ERC1: variants seen among roughly 807,000 people sequenced by gnomAD.
ERC1 encodes RAB6 interacting protein 2.
Under a neutral mutation model 132.0 loss-of-function variants are expected in ERC1, and 56 were observed. That is an observed-to-expected ratio of 0.42 (90% CI 0.34 to 0.53). The LOEUF (loss-of-function observed/expected upper bound fraction) is 0.53. Ranked by LOEUF, ERC1 falls within the 20% of genes least tolerant of loss-of-function variation. ERC1 has a pLI of 0.03. For missense variants in ERC1, 1,202 were observed against 1,349.9 expected, an observed-to-expected ratio of 0.89 and a Z score of 1.72; for synonymous variants, 478 against 476.1, an observed-to-expected ratio of 1.00 and a Z score of -0.05.
intron 8 of ERC1, among the ~76,000 whole-genome samples, chr12:1,154,213 GTATGTA>G (rs140140472): frequency 0.046 from 6,543 of 142,910 alleles, 153 homozygotes; most frequent in South Asian, 0.057. Flanking sequence ...GTGTGTGTGT[GTATGTA>G]TATGTATATG....
intron 2 of ERC1, among the ~76,000 whole-genome samples, chr12:1,037,460 C>A (rs554941540): frequency 6.6e-6 from 1 of 152,144 alleles, no homozygotes; most frequent in South Asian, 2.1e-4. Context: ...CATTTAAAAC[C>A]GTACCACCCT....
chr12:1,225,929 C>A (rs2074541123), intron 12 of ERC1, among the ~76,000 whole-genome samples: 1 of 152,048 alleles, frequency 6.6e-6, no homozygotes, highest in Non-Finnish European at 1.5e-5. Context: ...TGAGAAAAAG[C>A]AATTTGATTC....
At position 1,179,697 on chromosome 12, in the gene ERC1, C is replaced by T. The variant is rs369669409; in HGVS notation, c.1738-843C>T. Among the ~76,000 whole-genome samples the T allele has an allele frequency of 1.1e-4, 17 of 151,834 alleles. No individual in the cohort carries two copies. The South Asian group carries it at 3.1e-3, about 28-fold the overall frequency. ...TAATTTTTTGTATTTTTAGTAGAGA[C>T]GGGGTTTCACCGTTTTAGCTGGGAT... On this transcript the variant is annotated intron_variant, in intron 8 of 18. Transcript: ENST00000360905.
At chr12:1,139,508 A>G (rs1243223261) in intron 7 of ERC1, among the ~76,000 whole-genome samples, 2 of 152,154 alleles carry the variant, frequency 1.3e-5, no homozygotes, top group African/African-American at 4.8e-5. Context: ...ATAGGTATGT[A>G]TATAGAGGAA....
intron 2 of ERC1, among the ~76,000 whole-genome samples, chr12:1,035,200 G>A (rs1392420655): frequency 6.6e-6 from 1 of 152,168 alleles, no homozygotes; most frequent in East Asian, 1.9e-4. Flanking sequence ...CAGAGGTCAG[G>A]CATCTTCCAC....
chr12:1,231,894 C>CA (rs2075070290), intron 12 of ERC1, among the ~76,000 whole-genome samples: 1 of 152,120 alleles, frequency 6.6e-6, no homozygotes, highest in South Asian at 2.1e-4. Flanking sequence ...CGCCCGCCAC[C>CA]ACGCCCAGCT....
intron 18 of ERC1, among the ~76,000 whole-genome samples, chr12:1,456,553 T>C (rs539794775): frequency 6.6e-6 from 1 of 152,286 alleles, no homozygotes; most frequent in East Asian, 1.9e-4. Flanking sequence ...AAATATCTTG[T>C]ATACATTGAA....
intron 7 of ERC1, among the ~76,000 whole-genome samples, chr12:1,140,872 A>G (rs1037715581): frequency 3.9e-5 from 6 of 152,168 alleles, no homozygotes; most frequent in African/African-American, 1.2e-4. Flanking sequence ...TATGGGTTAT[A>G]TGTTTGAAAT....
intron 1 of ERC1, among the ~76,000 whole-genome samples, chr12:1,015,102 T>A (rs565886708): frequency 8.2e-5 from 12 of 145,910 alleles, no homozygotes; most frequent in African/African-American, 3.1e-4. Context: ...ACAGTCTTGC[T>A]CTGTTGCCCA....
chr12:1,464,710 C>T (rs1331289193), intron 18 of ERC1, among the ~76,000 whole-genome samples: 2 of 151,458 alleles, frequency 1.3e-5, no homozygotes, highest in African/African-American at 4.9e-5. Flanking sequence ...TAGTAAGAGA[C>T]AGGGTTTCAC....
At chr12:1,392,518 G>A (rs1322779272) in intron 16 of ERC1, among the ~76,000 whole-genome samples, 3 of 152,130 alleles carry the variant, frequency 2.0e-5, no homozygotes, top group Admixed American at 6.5e-5. Context: ...ATATTTACCT[G>A]TTTTGGAAAA....
At chr12:1,286,306 A>AAG (rs1555344961) in intron 14 of ERC1, among the ~76,000 whole-genome samples, 3 of 151,640 alleles carry the variant, frequency 2.0e-5, no homozygotes, top group East Asian at 3.9e-4. Flanking sequence ...AAAAAAAAAA[A>AAG]AAAAAGAAAA....
chr12:1,272,811 A>G (rs139975209), intron 14 of ERC1, among the ~76,000 whole-genome samples: 2,638 of 151,996 alleles, frequency 0.017, 71 homozygotes, highest in African/African-American at 0.06. Context: ...AGCTGGGCGC[A>G]GTGCTAGGTG....
chr12:1,197,488 A>G (rs1357111769), intron 12 of ERC1, among the ~76,000 whole-genome samples: 1 of 152,156 alleles, frequency 6.6e-6, no homozygotes, highest in African/African-American at 2.4e-5. Flanking sequence ...TCACTTGAGG[A>G]TCTTACTGAG....
intron 16 of ERC1, among the ~76,000 whole-genome samples, chr12:1,387,406 A>T (rs563372937): frequency 4.6e-5 from 7 of 152,116 alleles, no homozygotes; most frequent in Non-Finnish European, 8.8e-5. Flanking sequence ...GCCCTCCCCA[A>T]ACTTATAGCC....
chr12:1,243,135 T>A (rs868495347), intron 13 of ERC1, among the ~76,000 whole-genome samples: 1 of 135,656 alleles, frequency 7.4e-6, no homozygotes, highest in Non-Finnish European at 1.6e-5. Context: ...TGCAGTGAGC[T>A]GAGATTGCGC....
intron 16 of ERC1, among the ~76,000 whole-genome samples, chr12:1,388,107 A>T (rs537711356): frequency 1.3e-5 from 2 of 152,090 alleles, no homozygotes; most frequent in Non-Finnish European, 2.9e-5. Flanking sequence ...CACGCTTGTA[A>T]TCCCAGCACT....
chr12:1,433,754 T>G (rs933963011), intron 17 of ERC1, among the ~76,000 whole-genome samples: 2 of 152,208 alleles, frequency 1.3e-5, no homozygotes, highest in Non-Finnish European at 1.5e-5. Context: ...GCAAGAAGAT[T>G]ACAGTTGCTG....
chr12:1,361,098 C>CAAA (rs760525917), intron 15 of ERC1, among the ~76,000 whole-genome samples: 2 of 48,132 alleles, frequency 4.2e-5, no homozygotes, highest in Non-Finnish European at 4.5e-5. Flanking sequence ...GGCTCTGTCT[C>CAAA]AAAAAAAAAA....
Sources: gnomAD v4.1 joint callset for allele counts (sites outside exome capture counted in the v4.1 genomes callset) on GRCh38, gnomAD v4.1.1 for gene constraint, MANE v1.5 for transcripts, NCBI Gene and HGNC (gene_info 2026-07-23, HGNC 2026-07-21) for gene names.